SLC5A8: variants seen among roughly 807,000 people sequenced by gnomAD.
SLC5A8 encodes sodium-coupled monocarboxylate transporter 1.
In SLC5A8, 55 loss-of-function variants were observed where a neutral mutation model predicts 71.9. The ratio of observed to expected loss-of-function variants is 0.77; its 90% confidence interval spans 0.62 to 0.96. The LOEUF (loss-of-function observed/expected upper bound fraction) is 0.96. SLC5A8 is among the 40% of genes least tolerant of loss of function. The pLI, the probability that SLC5A8 is intolerant of heterozygous loss-of-function variation, is 0.00. For synonymous variants in SLC5A8, 307 were observed against 276.1 expected, an observed-to-expected ratio of 1.11 and a Z score of -1.11; for missense variants, 701 against 745.3, an observed-to-expected ratio of 0.94 and a Z score of 0.69.
chr12:101,166,395 C>CA, intron 12 of SLC5A8, 99 bp downstream of exon 12: 3 of 993,786 alleles, frequency 3.0e-6, no homozygotes, highest in Non-Finnish European at 4.3e-6. Context: ...CAGAATTAGG[C>CA]AAAATCACAG....
chr12:101,199,792 T>C (rs762013924), intron 3 of SLC5A8, among the ~76,000 whole-genome samples: 1 of 151,572 alleles, frequency 6.6e-6, no homozygotes, highest in Non-Finnish European at 1.5e-5. Context: ...TGGGTCCAAA[T>C]AGAATTATAT....
intron 10 of SLC5A8, 48 bp downstream of exon 10, chr12:101,179,968 CATCAACATTGAAA>C: frequency 6.4e-7 from 1 of 1,562,660 alleles, no homozygotes; most frequent in South Asian, 1.1e-5. Flanking sequence ...AGGATGGTCA[CATCAACATTGAAA>C]AAAGATTTAG....
rs188298310 is a variant in SLC5A8 at position 101,198,969 on chromosome 12, G to T, written c.469+3195C>A. 2.6e-3 allele frequency among the ~76,000 whole-genome samples: 396 copies of T among 151,944 alleles called. 2 individuals are homozygous for T. The highest frequency in any genetic ancestry group is 9.1e-3 in the African/African-American group (376 of 41,532). ...ACTAAGAGCTATAAGGATTAGAAAA[G>T]AAGTAAAATTGTCACTATTCATAAA... On this transcript the variant is annotated intron_variant, in intron 3 of 14. Coordinates refer to ENST00000536262, the MANE Select transcript of SLC5A8 (RefSeq NM_145913.5).
chr12:101,183,005 C>T, intron 8 of SLC5A8, 90 bp from the exon 9 acceptor site: 8 of 291,536 alleles, frequency 2.7e-5, no homozygotes, highest in South Asian at 1.1e-4. Flanking sequence ...CAAATTGTCA[C>T]TTCTAAAATA....
chr12:101,175,234 T>C (rs2051868553), intron 10 of SLC5A8, among the ~76,000 whole-genome samples: 1 of 151,900 alleles, frequency 6.6e-6, no homozygotes. Flanking sequence ...GTGAACTGAA[T>C]GACAGAACAA....
At chr12:101,208,258 G>A (rs1447956485) in intron 1 of SLC5A8, among the ~76,000 whole-genome samples, 1 of 152,166 alleles carries the variant, frequency 6.6e-6, no homozygotes, top group African/African-American at 2.4e-5. Context: ...ATGCTGCCCA[G>A]GGGTGCCTCG....
chr12:101,177,439 GTA>G (rs76214565), intron 10 of SLC5A8, among the ~76,000 whole-genome samples: 14,450 of 146,278 alleles, frequency 0.099, 1,497 homozygotes, highest in African/African-American at 0.26. Context: ...ACCAAAGGCA[GTA>G]TATACACACA....
In SLC5A8 at chr12:101,166,603, A is replaced by G. The variant is rs778752628; in HGVS notation, c.1417T>C (p.Leu473=). The G allele has an allele frequency of 1.2e-6, 2 of 1,614,052 alleles. No homozygotes were observed. Among genetic ancestry groups the G allele is most frequent in the Non-Finnish European group, 1.7e-6 (2 of 1,179,966 alleles). ...TTACAGCCTTGGATATCAAGGTGCA[A>G]TGGCAATGTTCTCTCAGGAAGTGGA... ...YPPLPERTLP[L]HLDIQGCNST... is the part of the protein sequence containing the mutation. Residue 473 remains leucine, a synonymous_variant, in exon 12 of 15, where the codon TTG becomes CTG. Transcript: ENST00000536262.
chr12:101,167,794 C>T (rs1479841873), intron 11 of SLC5A8, among the ~76,000 whole-genome samples: 1 of 152,120 alleles, frequency 6.6e-6, no homozygotes, highest in Non-Finnish European at 1.5e-5. Flanking sequence ...CTTTTAAATC[C>T]TAGCTATTAA....
Position 101,162,098 on chromosome 12 carries a change from C to T in SLC5A8, c.1527-21G>A, listed in dbSNP as rs201119032. ...GAGTCCTAAGAGAGCAAAAACACAACGGTAAGATTTCATGTAATGCCACTA... is the reference window on the plus strand; with the variant it reads ...GAGTCCTAAGAGAGCAAAAACACAATGGTAAGATTTCATGTAATGCCACTA... On this transcript the variant is annotated intron_variant, in intron 12 of 14. Coordinates refer to ENST00000536262, the MANE Select transcript of SLC5A8 (RefSeq NM_145913.5). 1.0e-4 allele frequency: 158 copies of T among 1,548,732 alleles called. 1 individual carries two copies. Among genetic ancestry groups the T allele is most frequent in the South Asian group, 2.8e-4 (25 of 89,464 alleles).
Position 101,210,163 on chromosome 12 carries a change from C to T in SLC5A8, c.-315G>A. On this transcript the variant is annotated 5_prime_UTR_variant, in exon 1 of 15. Coordinates refer to ENST00000536262, the MANE Select transcript of SLC5A8 (RefSeq NM_145913.5). ...GAGTTCGCCAAGGCGCCGGGGACAC[C>T]TGAGCAGATGAGAACTGGAGCCTCC... The T allele has an allele frequency of 5.4e-6, 2 of 369,764 alleles. No homozygotes were observed. The highest frequency in any genetic ancestry group is 9.6e-6 in the Non-Finnish European group (2 of 208,676). The allele number at this position is 369,764 out of a possible 1,614,324, so 22.9% of individuals were successfully genotyped here.
chr12:101,208,296 C>T (rs1869760280), intron 1 of SLC5A8, among the ~76,000 whole-genome samples: 1 of 152,168 alleles, frequency 6.6e-6, no homozygotes, highest in South Asian at 2.1e-4. Flanking sequence ...AGAGCCCAGG[C>T]AGAGTGTGTC....
chr12:101,208,267 C>T (rs1350558455), intron 1 of SLC5A8, among the ~76,000 whole-genome samples: 4 of 152,260 alleles, frequency 2.6e-5, no homozygotes, highest in African/African-American at 7.2e-5. Flanking sequence ...AGGGGTGCCT[C>T]GCCCTGGAAG....
At chr12:101,184,338 A>T (rs1868516148) in intron 7 of SLC5A8, 116 bp from the exon 8 acceptor site, 3 of 828,290 alleles carry the variant, frequency 3.6e-6, no homozygotes, top group African/African-American at 1.7e-5. Flanking sequence ...ATTCCACACA[A>T]ATGAAATTTT....
At position 101,158,296 on chromosome 12, in the gene SLC5A8, T is replaced by C. The variant is rs1003019409; in HGVS notation, c.1663A>G (p.Ile555Val). ...GRKQNLDPRY[I>V]LTKEDFLSNF... ...GATAAAAAGTCCTCTTTGGTTAGTA[T>C]GTATCTGGGGTCTAAGTTCTGTTTT... The change falls in exon 14 of 15, where the codon ATA (isoleucine) becomes GTA (valine). Residue 555 changes from isoleucine (I) to valine (V), a missense_variant. Ile to Val is a conservative substitution (Grantham distance 29). Transcript: ENST00000536262. The C allele has an allele frequency of 2.4e-5, 39 of 1,594,196 alleles. No individual in the cohort carries two copies. The highest frequency in any genetic ancestry group is 3.2e-5 in the Non-Finnish European group (37 of 1,167,878).
chr12:101,175,184 G>T (rs1267131989), intron 10 of SLC5A8, among the ~76,000 whole-genome samples: 1 of 151,860 alleles, frequency 6.6e-6, no homozygotes, highest in Non-Finnish European at 1.5e-5. Flanking sequence ...TTAAATGAAT[G>T]GGCACAATAG....
At chr12:101,201,645 T>C (rs1296729682) in intron 3 of SLC5A8, among the ~76,000 whole-genome samples, 2 of 152,228 alleles carry the variant, frequency 1.3e-5, no homozygotes, top group African/African-American at 4.8e-5. Context: ...CTAAATTTAT[T>C]TGTAAGGGCA....
At chr12:101,167,356 T>G (rs1452259007) in intron 11 of SLC5A8, among the ~76,000 whole-genome samples, 3 of 152,186 alleles carry the variant, frequency 2.0e-5, no homozygotes, top group Non-Finnish European at 4.4e-5. Context: ...TAATGCCTTA[T>G]AAGGAAAATA....
chr12:101,207,922 T>C (rs1299029442), intron 1 of SLC5A8, among the ~76,000 whole-genome samples: 1 of 152,038 alleles, frequency 6.6e-6, no homozygotes, highest in Non-Finnish European at 1.5e-5. Context: ...ACAGTAACCA[T>C]GAAAACACAA....
Sources: gnomAD v4.1 joint callset for allele counts (sites outside exome capture counted in the v4.1 genomes callset) on GRCh38, gnomAD v4.1.1 for gene constraint, MANE v1.5 for transcripts, NCBI Gene and HGNC (gene_info 2026-07-23, HGNC 2026-07-21) for gene names.